The following HSD3B2 variants were observed in gnomAD, a reference collection of about 807,000 sequenced individuals.
HSD3B2 encodes hydroxy-delta-5-steroid dehydrogenase, 3 beta- and steroid delta-isomerase 2.
A neutral mutation model predicts 9.9 loss-of-function variants in HSD3B2; 8 were observed. That is an observed-to-expected ratio of 0.81 (90% confidence interval 0.47 to 1.46). The LOEUF (loss-of-function observed/expected upper bound fraction) is 1.46, where lower values mean the gene tolerates loss of function less well. Ranked by LOEUF, HSD3B2 falls within the 40% of genes most tolerant of loss-of-function variation. HSD3B2 has a pLI of 0.00. For missense variants in HSD3B2, 410 were observed against 448.3 expected (o/e 0.91, Z 0.77); for synonymous variants, 221 against 184.5 (o/e 1.20, Z -1.60).
At chr1:119,417,403 A>G (rs1460653799) in intron 2 of HSD3B2, 3 of 152,350 alleles carry the variant, frequency 2.0e-5, no homozygotes, top group African/African-American at 7.2e-5. Flanking sequence ...GTCATTTTCT[A>G]TCGGCTTTGG....
At position 119,422,050 on chromosome 1, in the gene HSD3B2, G is replaced by T; in HGVS notation, c.549G>T (p.Ala183=). 3 of 1,614,102 alleles carry T rather than the reference G, an allele frequency of 1.9e-6. No individual in the cohort carries two copies. The highest frequency in any genetic ancestry group is 2.5e-6 in the Non-Finnish European group (3 of 1,179,996). ...ATGGTGATACCTTGTACACTTGTGC[G>T]TTAAGACCCACATATATCTATGGGG... ...LKNGDTLYTC[A]LRPTYIYGEG... Residue 183 remains alanine (A), a synonymous_variant, in exon 4 of 4, where the codon GCG becomes GCT. Coordinates refer to ENST00000369416, the MANE Select transcript of HSD3B2 (RefSeq NM_000198.4).
Position 119,419,565 on chromosome 1 carries a change from T to C in HSD3B2, c.290T>C (p.Met97Thr). 1 of 1,613,858 alleles carries C rather than the reference T, an allele frequency of 6.2e-7. No homozygotes were observed. Among genetic ancestry groups the C allele is most frequent in the Non-Finnish European group, 8.5e-7 (1 of 1,179,852 alleles). The change falls in exon 3 of 4, where the codon ATG becomes ACG. Residue 97 changes from methionine (M) to threonine (T), a missense_variant. Met to Thr is a moderately conservative substitution (Grantham distance 81). Coordinates refer to ENST00000369416, the MANE Select transcript of HSD3B2 (RefSeq NM_000198.4). The stretch of plus-strand genomic sequence containing the variant: ...GGTGTCACTCACAGAGAGTCCATCA[T>C]GAATGTCAATGTGAAAGGTACAGTA... ...VFGVTHRESIMNVNVKGTQLL... is the reference protein window; with the variant it reads ...VFGVTHRESITNVNVKGTQLL...
chr1:119,421,433 A>T (rs1267624533), intron 3 of HSD3B2, among the ~76,000 whole-genome samples: 2 of 27,956 alleles, frequency 7.2e-5, no homozygotes, highest in South Asian at 1.3e-3. Context: ...ATATGTATAT[A>T]TATATATGTA....
chr1:119,421,428 TA>T (rs2101347552), intron 3 of HSD3B2, among the ~76,000 whole-genome samples: 2 of 16,654 alleles, frequency 1.2e-4, no homozygotes, highest in Non-Finnish European at 2.0e-4. Flanking sequence ...TATATATATG[TA>T]TATATATATA....
Position 119,422,113 on chromosome 1 carries a change from C to A in HSD3B2, c.612C>A (p.Ala204=). ...GPFLSASINE[A]LNNNGILSSV... The stretch of plus-strand genomic sequence containing the variant: ...TCCTTTCTGCCAGTATAAATGAGGC[C>A]CTGAACAACAATGGGATCCTGTCAA... Residue 204 remains alanine (A), a synonymous_variant, in exon 4 of 4, where the codon GCC becomes GCA. Transcript: ENST00000369416. 6.2e-7 allele frequency: 1 copy of A among 1,613,978 alleles called. No homozygotes were observed. Among genetic ancestry groups the A allele is most frequent in the Non-Finnish European group, 8.5e-7 (1 of 1,179,974 alleles).
intron 2 of HSD3B2, 114 bp from the exon 3 acceptor site, chr1:119,419,304 A>C (rs183307691): frequency 1.1e-6 from 1 of 950,478 alleles, no homozygotes; most frequent in Non-Finnish European, 1.7e-6. Flanking sequence ...TACACCCTCC[A>C]CTCTAATACC....
intron 2 of HSD3B2, among the ~76,000 whole-genome samples, chr1:119,416,219 G>C (rs1174712430): frequency 6.6e-6 from 1 of 152,076 alleles, no homozygotes; most frequent in South Asian, 2.1e-4. Context: ...AAGAGAGAAA[G>C]AGAGCATGCA....
rs142827358 is a variant in HSD3B2, at chr1:119,420,688, A to G, written c.307+1106A>G. Among the ~76,000 whole-genome samples the G allele has an allele frequency of 3.9e-3, 590 of 152,348 alleles. 4 individuals are homozygous for G. The highest frequency in any genetic ancestry group is 0.013 in the African/African-American group (556 of 41,572). Reference sequence around the variant, plus strand: ...GAAACTCAAATTGCACAGAGACTTTAAAAGTGGCTAAGAATACAAAATAAG... The same window carrying G: ...GAAACTCAAATTGCACAGAGACTTTGAAAGTGGCTAAGAATACAAAATAAG... On this transcript the variant is annotated intron_variant, in intron 3 of 3. Coordinates refer to ENST00000369416, the MANE Select transcript of HSD3B2 (RefSeq NM_000198.4).
At position 119,422,884 on chromosome 1, in the gene HSD3B2, A is replaced by G. The variant is rs1284035215; in HGVS notation, c.*264A>G. 7.2e-6 allele frequency: 4 copies of G among 559,248 alleles called. No homozygotes were observed. The highest frequency in any genetic ancestry group is 2.0e-5 in the South Asian group (1 of 49,110). 34.6% of individuals were successfully genotyped at this position (559,248 alleles called of 1,614,324 possible). A position where few individuals can be genotyped will look rare whatever the true frequency, so the allele number is the denominator to read the frequency against. ...AAATCTCAGTGGCTGATTCTGAACA[A>G]TTGTGGTCTCTCTTAACTTGAGGTT... On this transcript the variant is annotated 3_prime_UTR_variant, in exon 4 of 4. Coordinates refer to ENST00000369416, the MANE Select transcript of HSD3B2 (RefSeq NM_000198.4).
intron 3 of HSD3B2, among the ~76,000 whole-genome samples, chr1:119,421,397 ATATATGTATATATATATATG>A (rs1651853464): frequency 1.9e-5 from 2 of 104,542 alleles, no homozygotes; most frequent in African/African-American, 9.9e-5. Context: ...ATATGTATAT[ATATATGTATATATATATATG>A]TATATATATG....
chr1:119,419,204 G>A (rs975038902), intron 2 of HSD3B2, among the ~76,000 whole-genome samples: 1 of 152,076 alleles, frequency 6.6e-6, no homozygotes, highest in Non-Finnish European at 1.5e-5. Flanking sequence ...AATAAGATGG[G>A]GTAGAAACAG....
intron 3 of HSD3B2, among the ~76,000 whole-genome samples, chr1:119,421,345 C>T (rs1052359475): frequency 7.0e-6 from 1 of 143,792 alleles, no homozygotes; most frequent in Non-Finnish European, 1.5e-5. Flanking sequence ...AAGTGATTAC[C>T]CTAGGTCCTT....
At chr1:119,417,349 G>A (rs1333851897) in intron 2 of HSD3B2, 7 of 152,280 alleles carry the variant, frequency 4.6e-5, no homozygotes, top group East Asian at 1.9e-4. Flanking sequence ...CAAAAATTGC[G>A]CTTTTCTGGT....
intron 2 of HSD3B2, among the ~76,000 whole-genome samples, chr1:119,418,343 C>T (rs1651764608): frequency 6.6e-6 from 1 of 152,170 alleles, no homozygotes; most frequent in Non-Finnish European, 1.5e-5. Context: ...AAGCAGGAAA[C>T]TGTAAGGGTG....
rs1651932506 is a variant in HSD3B2, at chr1:119,422,801, C to T, written c.*181C>T. ...AAAATCTGCACAGTCACTGGCCCAA[C>T]CAGAACTTTCTGTCCTAATCATACA... On this transcript the variant is annotated 3_prime_UTR_variant, in exon 4 of 4. Transcript: ENST00000369416. 1 of 712,706 alleles carries T rather than the reference C, an allele frequency of 1.4e-6. No individual in the cohort carries two copies. Among genetic ancestry groups the T allele is most frequent in the East Asian group, 2.7e-5 (1 of 37,082 alleles). The allele number at this position is 712,706 out of a possible 1,614,324, so 44.1% of individuals were successfully genotyped here.
In HSD3B2 at chr1:119,421,405, A is replaced by ATATATATATATGTATATATATATG. The variant is rs1454177996; in HGVS notation, c.308-383_308-382insATGTATATATATATGTATATATAT. Among the ~76,000 whole-genome samples, 2 of 59,468 alleles carry ATATATATATATGTATATATATATG rather than the reference A, an allele frequency of 3.4e-5. 1 individual carries two copies. The highest frequency in any genetic ancestry group is 6.5e-5 in the Non-Finnish European group (2 of 30,812). The allele number at this position is 59,468 out of a possible 152,430, so 39.0% of individuals were successfully genotyped here. ...TATATATATATGTATATATATATGT[A>ATATATATATATGTATATATATATG]TATATATATATGTATATATATGTAT... is the stretch of plus-strand genomic sequence containing the variant. On this transcript the variant is annotated intron_variant, in intron 3 of 3. Coordinates refer to ENST00000369416, the MANE Select transcript of HSD3B2 (RefSeq NM_000198.4).
chr1:119,417,658 A>G (rs2793132), intron 2 of HSD3B2, among the ~76,000 whole-genome samples: 105,796 of 152,038 alleles, frequency 0.7, 36,937 homozygotes, highest in African/African-American at 0.74. Context: ...GAGGCATCAG[A>G]AGAGCAAATG....
chr1:119,421,716 TGGGAGTG>T, intron 3 of HSD3B2, 86 bp from the exon 4 acceptor site: 2 of 1,372,088 alleles, frequency 1.5e-6, no homozygotes. Flanking sequence ...CCACTGCACT[TGGGAGTG>T]GGGAGTGGGG....
intron 2 of HSD3B2, among the ~76,000 whole-genome samples, chr1:119,418,755 C>A (rs1651780096): frequency 1.3e-5 from 2 of 151,664 alleles, no homozygotes; most frequent in Admixed American, 1.3e-4. Flanking sequence ...AGACTCCATC[C>A]TTCCTCCTGC....
Sources: allele counts gnomAD v4.1 joint callset (sites outside exome capture counted in the v4.1 genomes callset), GRCh38; gene constraint gnomAD v4.1.1; transcripts MANE v1.5; gene names NCBI Gene and HGNC (gene_info 2026-07-23, HGNC 2026-07-21).